Variants in CSMD1 observed in about 807,000 individuals in gnomAD.
CSMD1 encodes the protein CUB and Sushi multiple domains 1, also known as CUB and sushi domain-containing protein 1.
In CSMD1, 213 loss-of-function variants were observed where a neutral mutation model predicts 417.5. The ratio of observed to expected loss-of-function variants is 0.51; its 90% CI spans 0.46 to 0.57. The LOEUF (loss-of-function observed/expected upper bound fraction) is 0.57. CSMD1 is among the 20% of genes least tolerant of loss of function. The pLI is 0.00. For synonymous variants in CSMD1, 2,862 were observed against 1,736.8 expected (o/e 1.65, Z -16.11); for missense variants, 6,923 against 4,529.7 (o/e 1.53, Z -15.17).
chr8:4,590,778 G>A (rs1277207214), intron 2 of CSMD1, among the ~76,000 whole-genome samples: 1 of 152,094 alleles, frequency 6.6e-6, no homozygotes, highest in Non-Finnish European at 1.5e-5. Flanking sequence ...TAGTAACTAA[G>A]ATTTTGGAAA....
Position 2,949,264 on chromosome 8 carries a change from T to C in CSMD1, c.10402+35A>G, listed in dbSNP as rs374032948. On this transcript the variant is annotated intron_variant, in intron 68 of 69. Coordinates refer to ENST00000635120, the MANE Select transcript of CSMD1 (RefSeq NM_033225.6). ...AAACATCATTGGAAAGCCAAACTGA[T>C]ATTTGCTTTAAAATATATCCTAAGT... 1.3e-5 allele frequency: 16 copies of C among 1,189,516 alleles called. No homozygotes were observed. The African/African-American group carries it at 2.1e-4, about 16-fold the overall frequency. 73.7% of individuals were successfully genotyped at this position (1,189,516 alleles called of 1,614,324 possible).
intron 10 of CSMD1, among the ~76,000 whole-genome samples, chr8:3,543,751 G>A (rs1225909432): frequency 6.6e-6 from 1 of 152,176 alleles, no homozygotes; most frequent in Non-Finnish European, 1.5e-5. Context: ...ATGTCTGTTG[G>A]ACACTTAGTG....
intron 29 of CSMD1, among the ~76,000 whole-genome samples, chr8:3,217,298 C>T (rs185702716): frequency 1.1e-3 from 173 of 152,346 alleles, no homozygotes; most frequent in African/African-American, 1.9e-3. Flanking sequence ...GCTTTTAAAA[C>T]CTCAGGAACT....
At chr8:3,200,383 C>T (rs184471980) in intron 32 of CSMD1, among the ~76,000 whole-genome samples, 73 of 151,682 alleles carry the variant, frequency 4.8e-4, no homozygotes, top group African/African-American at 1.6e-3. Context: ...GGGGAAACCA[C>T]GTCTCTACTA....
chr8:3,096,673 A>T (rs1265611064), intron 47 of CSMD1, among the ~76,000 whole-genome samples, 176 bp downstream of exon 47: 1 of 152,220 alleles, frequency 6.6e-6, no homozygotes, highest in Non-Finnish European at 1.5e-5. Flanking sequence ...AATGTTTTAC[A>T]GACTGCTTGA....
intron 38 of CSMD1, among the ~76,000 whole-genome samples, chr8:3,159,774 G>T (rs1450323874): frequency 1.3e-5 from 2 of 152,194 alleles, no homozygotes; most frequent in Non-Finnish European, 2.9e-5. Flanking sequence ...GTGCAGAAGT[G>T]CATCCACAGG....
At chr8:3,275,048 A>T (rs904771633) in intron 26 of CSMD1, among the ~76,000 whole-genome samples, 3 of 152,070 alleles carry the variant, frequency 2.0e-5, no homozygotes, top group African/African-American at 7.2e-5. Flanking sequence ...ATTTGGCATG[A>T]TTTTGCCGTG....
intron 5 of CSMD1, among the ~76,000 whole-genome samples, chr8:3,919,045 T>A (rs2627393): frequency 6.6e-6 from 1 of 151,852 alleles, no homozygotes; most frequent in South Asian, 2.1e-4. Flanking sequence ...TTAAAAAATA[T>A]GTGGTTGTAA....
intron 26 of CSMD1, 139 bp downstream of exon 26, chr8:3,284,005 T>C (rs1802945853): frequency 6.6e-6 from 5 of 761,260 alleles, no homozygotes; most frequent in East Asian, 2.7e-5. Context: ...CTCTGCAACA[T>C]GCATTTTCCT....
At chr8:4,387,129 G>C (rs149427678) in intron 3 of CSMD1, among the ~76,000 whole-genome samples, 3 of 152,144 alleles carry the variant, frequency 2.0e-5, no homozygotes, top group Admixed American at 2.0e-4. Flanking sequence ...CTGTAAAACG[G>C]AATGAAGGAA....
At chr8:4,857,442 T>C (rs1162628755) in intron 1 of CSMD1, among the ~76,000 whole-genome samples, 8 of 151,460 alleles carry the variant, frequency 5.3e-5, no homozygotes, top group South Asian at 2.1e-4. Flanking sequence ...GAAATAGAGA[T>C]ACAAAAAACC....
At chr8:4,459,867 CAAAATATATA>C (rs1196797027) in intron 2 of CSMD1, among the ~76,000 whole-genome samples, 1 of 152,124 alleles carries the variant, frequency 6.6e-6, no homozygotes, top group Admixed American at 6.5e-5. Context: ...ACCAGAGCCT[CAAAATATATA>C]AAACAGAACC....
intron 6 of CSMD1, among the ~76,000 whole-genome samples, chr8:3,722,768 T>G (rs1257753116): frequency 6.6e-6 from 1 of 152,200 alleles, no homozygotes; most frequent in Non-Finnish European, 1.5e-5. Flanking sequence ...ATGCTAGTCG[T>G]TAGCAGAATG....
chr8:3,353,181 G>C (rs1469020832), intron 21 of CSMD1, among the ~76,000 whole-genome samples: 1 of 152,214 alleles, frequency 6.6e-6, no homozygotes, highest in African/African-American at 2.4e-5. Flanking sequence ...GTGATTCCAA[G>C]AGGATAGGAA....
chr8:3,137,178 T>G (rs931335289), intron 41 of CSMD1, among the ~76,000 whole-genome samples: 2 of 152,218 alleles, frequency 1.3e-5, no homozygotes, highest in Non-Finnish European at 2.9e-5. Context: ...CCTAAAGGGC[T>G]AGAGAACACT....
At chr8:3,349,661 A>G (rs1320110098) in intron 21 of CSMD1, among the ~76,000 whole-genome samples, 1 of 150,766 alleles carries the variant, frequency 6.6e-6, no homozygotes, top group African/African-American at 2.4e-5. Context: ...GTATAATTAT[A>G]ATTCTGTAAA....
chr8:3,735,486 T>G (rs2066147137), intron 6 of CSMD1, among the ~76,000 whole-genome samples: 1 of 152,238 alleles, frequency 6.6e-6, no homozygotes, highest in Non-Finnish European at 1.5e-5. Flanking sequence ...GTCAATATAT[T>G]CATGTTTCCC....
At chr8:4,462,199 C>G (rs767278541) in intron 2 of CSMD1, among the ~76,000 whole-genome samples, 1 of 152,050 alleles carries the variant, frequency 6.6e-6, no homozygotes, top group East Asian at 1.9e-4. Flanking sequence ...TATTTATCCA[C>G]AATAGTAATA....
At chr8:4,932,918 T>C (rs1018031983) in intron 1 of CSMD1, among the ~76,000 whole-genome samples, 1 of 152,208 alleles carries the variant, frequency 6.6e-6, no homozygotes, top group African/African-American at 2.4e-5. Flanking sequence ...TGCCTAATAG[T>C]GAATTAAATT....
Sources: gnomAD v4.1 joint callset for allele counts (sites outside exome capture counted in the v4.1 genomes callset) on GRCh38, gnomAD v4.1.1 for gene constraint, MANE v1.5 for transcripts, NCBI Gene and HGNC (gene_info 2026-07-23, HGNC 2026-07-21) for gene names.